Variants in KCNH8 observed in about 807,000 individuals in gnomAD.
KCNH8 encodes voltage-gated delayed rectifier potassium channel KCNH8.
KCNH8 carries 70 observed loss-of-function variants against 103.6 expected under a neutral mutation model. That is an observed-to-expected ratio of 0.68 (90% CI 0.56 to 0.82). The LOEUF is 0.82. Ranked by LOEUF, KCNH8 falls within the 40% of genes least tolerant of loss-of-function variation. The pLI, the probability that KCNH8 is intolerant of heterozygous loss-of-function variation, is 0.00. For missense variants in KCNH8, 1,217 were observed against 1,329.9 expected (o/e 0.92, Z 1.32); for synonymous variants, 498 against 489.4 (o/e 1.02, Z -0.23).
intron 11 of KCNH8, among the ~76,000 whole-genome samples, chr3:19,465,309 G>A (rs1321511317): frequency 6.6e-6 from 1 of 152,098 alleles, no homozygotes; most frequent in Non-Finnish European, 1.5e-5. Context: ...TTTTCTGCCT[G>A]TACTCTATAA....
At chr3:19,420,844 A>C (rs1167067503) in intron 7 of KCNH8, among the ~76,000 whole-genome samples, 1 of 152,184 alleles carries the variant, frequency 6.6e-6, no homozygotes, top group Non-Finnish European at 1.5e-5. Flanking sequence ...GTATTATTTT[A>C]TTGGCAACTG....
chr3:19,470,388 C>T (rs147145080), intron 11 of KCNH8, among the ~76,000 whole-genome samples: 146 of 152,330 alleles, frequency 9.6e-4, no homozygotes, highest in African/African-American at 3.3e-3. Context: ...CTTCATTCTT[C>T]TCTCCTTCAG....
At chr3:19,368,527 C>T (rs2066043436) in intron 5 of KCNH8, among the ~76,000 whole-genome samples, 1 of 151,946 alleles carries the variant, frequency 6.6e-6, no homozygotes, top group Admixed American at 6.6e-5. Flanking sequence ...GATTATTTAC[C>T]CATTCATAAT....
At chr3:19,529,040 C>T (rs1206171732) in intron 15 of KCNH8, among the ~76,000 whole-genome samples, 4 of 151,946 alleles carry the variant, frequency 2.6e-5, no homozygotes, top group Admixed American at 6.6e-5. Context: ...GAGAAGAGCC[C>T]GCAGTCAGAA....
At chr3:19,290,415 C>T (rs1006928044) in intron 3 of KCNH8, among the ~76,000 whole-genome samples, 10 of 152,202 alleles carry the variant, frequency 6.6e-5, no homozygotes, top group South Asian at 2.1e-4. Flanking sequence ...TTTGAGATAA[C>T]GTCCCATCAA....
chr3:19,287,173 G>C (rs1343973948), intron 3 of KCNH8, among the ~76,000 whole-genome samples: 1 of 152,038 alleles, frequency 6.6e-6, no homozygotes, highest in Non-Finnish European at 1.5e-5. Context: ...GAGGAGGGAG[G>C]AAAGAAGTAG....
chr3:19,484,122 A>T (rs1227882823), intron 11 of KCNH8, among the ~76,000 whole-genome samples: 1 of 152,088 alleles, frequency 6.6e-6, no homozygotes, highest in Non-Finnish European at 1.5e-5. Flanking sequence ...GTTCTGGCTA[A>T]TACTTTACTT....
intron 1 of KCNH8, among the ~76,000 whole-genome samples, chr3:19,202,103 TA>T (rs2063669167): frequency 6.6e-6 from 1 of 152,108 alleles, no homozygotes; most frequent in Admixed American, 6.6e-5. Context: ...GAGTTGGGTT[TA>T]AAAATGTCCC....
At chr3:19,518,188 A>G (rs2068908408) in intron 15 of KCNH8, 114 bp downstream of exon 15, 2 of 727,306 alleles carry the variant, frequency 2.7e-6, no homozygotes, top group Non-Finnish European at 4.6e-6. Flanking sequence ...GAATGAGACC[A>G]CCATGGGTGA....
chr3:19,151,000 T>A (rs186319648), intron 1 of KCNH8, among the ~76,000 whole-genome samples: 88 of 152,166 alleles, frequency 5.8e-4, no homozygotes, highest in Admixed American at 2.6e-3. Context: ...TCTTTTCTCA[T>A]TTTCTTTTCC....
At chr3:19,228,280 T>C (rs1343860438) in intron 1 of KCNH8, among the ~76,000 whole-genome samples, 2 of 152,180 alleles carry the variant, frequency 1.3e-5, no homozygotes, top group Admixed American at 1.3e-4. Context: ...GAATGTTGAG[T>C]ATTTGTGACA....
chr3:19,201,771 C>T (rs552311930), intron 1 of KCNH8, among the ~76,000 whole-genome samples: 2 of 152,274 alleles, frequency 1.3e-5, no homozygotes, highest in East Asian at 1.9e-4. Context: ...GGTATCTCAA[C>T]TCACTCACAT....
At chr3:19,340,357 ATTTT>A (rs33979047) in intron 3 of KCNH8, among the ~76,000 whole-genome samples, 2 of 143,942 alleles carry the variant, frequency 1.4e-5, no homozygotes, top group African/African-American at 2.5e-5. Context: ...TTTTTTTTTA[ATTTT>A]TTTTTTTTTT....
chr3:19,395,500 CA>C (rs763980182), intron 7 of KCNH8, among the ~76,000 whole-genome samples, 189 bp downstream of exon 7: 1 of 151,732 alleles, frequency 6.6e-6, no homozygotes, highest in Non-Finnish European at 1.5e-5. Context: ...AACAACGTTA[CA>C]TTTTTTTCAA....
At chr3:19,528,154 AAAT>A (rs2069097889) in intron 15 of KCNH8, among the ~76,000 whole-genome samples, 1 of 152,090 alleles carries the variant, frequency 6.6e-6, no homozygotes. Context: ...ATTAATAAAC[AAAT>A]AAGAATGTAT....
chr3:19,360,148 A>T (rs1326399233), intron 5 of KCNH8, among the ~76,000 whole-genome samples: 1 of 152,114 alleles, frequency 6.6e-6, no homozygotes, highest in Non-Finnish European at 1.5e-5. Flanking sequence ...GGCAAGACTC[A>T]ATCAAATTTG....
chr3:19,510,478 T>A, intron 12 of KCNH8, 77 bp downstream of exon 12: 1 of 913,286 alleles, frequency 1.1e-6, no homozygotes, highest in Non-Finnish European at 1.8e-6. Flanking sequence ...GTCTTTCTCT[T>A]CAGAATTTCA....
intron 2 of KCNH8, among the ~76,000 whole-genome samples, chr3:19,280,801 C>T (rs2064746181): frequency 6.6e-6 from 1 of 151,934 alleles, no homozygotes; most frequent in African/African-American, 2.4e-5. Context: ...ACTAAATAAA[C>T]CTCTGGCAAA....
At chr3:19,290,539 T>C (rs1360504978) in intron 3 of KCNH8, among the ~76,000 whole-genome samples, 2 of 152,242 alleles carry the variant, frequency 1.3e-5, no homozygotes, top group African/African-American at 4.8e-5. Context: ...GTTTATATGC[T>C]GGATTACATT....
Sources: gnomAD v4.1 joint callset for allele counts (sites outside exome capture counted in the v4.1 genomes callset) on GRCh38, gnomAD v4.1.1 for gene constraint, MANE v1.5 for transcripts, NCBI Gene and HGNC (gene_info 2026-07-23, HGNC 2026-07-21) for gene names.